Variants in KCNK1 observed in about 807,000 individuals in gnomAD.
The protein encoded by KCNK1 is potassium two pore domain channel subfamily K member 1.
KCNK1 carries 10 observed loss-of-function variants against 22.2 expected under a neutral mutation model. The observed-to-expected ratio is 0.45, with a 90% CI of 0.28 to 0.76. KCNK1 has a LOEUF of 0.76. Ranked by LOEUF, KCNK1 falls within the 30% of genes least tolerant of loss-of-function variation. The probability of loss-of-function intolerance (pLI) is 0.14; values close to 1 mark genes in which losing one functional copy is unlikely to be tolerated. For synonymous variants in KCNK1, 200 were observed against 186.4 expected, an observed-to-expected ratio of 1.07 and a Z score of -0.60; for missense variants, 378 against 421.0, an observed-to-expected ratio of 0.90 and a Z score of 0.89.
rs747926620 is a variant in KCNK1 at position 233,614,360 on chromosome 1, C to T, written c.189C>T (p.Phe63=). 3.1e-6 allele frequency: 5 copies of T among 1,611,146 alleles called. No homozygotes were observed. In the Admixed American group the frequency reaches 5.0e-5, roughly 16 times the overall value. ...RQELRKLKRR[F]LEEHECLSEQ... ...AGCTGCGCAAGCTGAAGCGACGCTT[C>T]TTGGAGGAGCACGAGTGCCTGTCTG... The change falls in exon 1 of 3, where the codon TTC becomes TTT. Residue 63 remains phenylalanine, a synonymous_variant. Transcript: ENST00000366621.
intron 1 of KCNK1, among the ~76,000 whole-genome samples, chr1:233,615,986 T>C (rs1657482637): frequency 6.6e-6 from 1 of 152,232 alleles, no homozygotes; most frequent in Non-Finnish European, 1.5e-5. Context: ...AGACCTGTTA[T>C]CTCACTTTCC....
intron 1 of KCNK1, among the ~76,000 whole-genome samples, chr1:233,666,343 G>C (rs1658488151): frequency 6.6e-6 from 1 of 152,180 alleles, no homozygotes. Flanking sequence ...TTCAAGACCA[G>C]AGACCCTGAT....
chr1:233,643,885 C>T (rs966502165), intron 1 of KCNK1, among the ~76,000 whole-genome samples: 2 of 152,106 alleles, frequency 1.3e-5, no homozygotes, highest in African/African-American at 4.8e-5. Flanking sequence ...CATAACAAGA[C>T]AAAAATTACC....
chr1:233,646,824 G>A (rs1308860321), intron 1 of KCNK1, among the ~76,000 whole-genome samples: 1 of 152,120 alleles, frequency 6.6e-6, no homozygotes, highest in Non-Finnish European at 1.5e-5. Flanking sequence ...GAAAGATGAG[G>A]ATAGAATTAA....
At chr1:233,635,911 A>G (rs951159643) in intron 1 of KCNK1, among the ~76,000 whole-genome samples, 4 of 152,278 alleles carry the variant, frequency 2.6e-5, no homozygotes, top group African/African-American at 9.6e-5. Flanking sequence ...GAGAACGTTG[A>G]TATTTTATAT....
At chr1:233,657,304 T>A (rs562265406) in intron 1 of KCNK1, among the ~76,000 whole-genome samples, 1 of 152,122 alleles carries the variant, frequency 6.6e-6, no homozygotes, top group Non-Finnish European at 1.5e-5. Flanking sequence ...TTAGGTAGGA[T>A]TCTTATGTTT....
chr1:233,625,162 T>TA (rs1220293178), intron 1 of KCNK1, among the ~76,000 whole-genome samples: 2 of 152,092 alleles, frequency 1.3e-5, no homozygotes, highest in Non-Finnish European at 2.9e-5. Context: ...AACAGGTGTG[T>TA]AAAAAATAGG....
At chr1:233,636,356 C>T (rs531480726) in intron 1 of KCNK1, among the ~76,000 whole-genome samples, 3 of 152,140 alleles carry the variant, frequency 2.0e-5, no homozygotes, top group African/African-American at 4.8e-5. Flanking sequence ...GAGAGATCTC[C>T]GTGGCTTGGG....
At chr1:233,632,526 A>T (rs570060161) in intron 1 of KCNK1, among the ~76,000 whole-genome samples, 2 of 152,044 alleles carry the variant, frequency 1.3e-5, no homozygotes, top group Admixed American at 1.3e-4. Flanking sequence ...TCAGGATTCA[A>T]TGTAGATGCT....
intron 1 of KCNK1, among the ~76,000 whole-genome samples, chr1:233,621,100 C>G (rs701203): frequency 0.55 from 83,473 of 152,014 alleles, 23,546 homozygotes; most frequent in African/African-American, 0.67. Flanking sequence ...GGGCATCAGA[C>G]CTTGTTATGG....
At chr1:233,617,217 G>A (rs1448403034) in intron 1 of KCNK1, among the ~76,000 whole-genome samples, 1 of 151,882 alleles carries the variant, frequency 6.6e-6, no homozygotes, top group African/African-American at 2.4e-5. Flanking sequence ...GCCCATGAGT[G>A]CTTTTATGTC....
chr1:233,625,860 A>G (rs1432912655), intron 1 of KCNK1, among the ~76,000 whole-genome samples: 1 of 152,178 alleles, frequency 6.6e-6, no homozygotes, highest in Non-Finnish European at 1.5e-5. Context: ...GTGCAGCTAG[A>G]AAGTGACTGT....
Position 233,661,545 on chromosome 1 carries a change from C to G in KCNK1, c.356-5050C>G, listed in dbSNP as rs187521970. On this transcript the variant is annotated intron_variant, in intron 1 of 2. Transcript: ENST00000366621. Reference sequence around the variant, plus strand: ...TTGCACCTGCCATGACTTGTTACCTCTGTGACCTCTTACCATCTGTGCCTC... The same window carrying G: ...TTGCACCTGCCATGACTTGTTACCTGTGTGACCTCTTACCATCTGTGCCTC... 9.2e-5 allele frequency among the ~76,000 whole-genome samples: 14 copies of G among 152,372 alleles called. No individual in the cohort carries two copies. In the East Asian group the frequency reaches 2.7e-3, roughly 29 times the overall value.
chr1:233,649,912 C>G (rs748634982), intron 1 of KCNK1: 25 of 532,016 alleles, frequency 4.7e-5, no homozygotes, highest in Admixed American at 4.7e-4. Context: ...GAACACCATC[C>G]TCTTCTGTGT....
intron 1 of KCNK1, among the ~76,000 whole-genome samples, chr1:233,634,642 T>G (rs142094627): frequency 6.6e-6 from 1 of 152,232 alleles, no homozygotes; most frequent in Non-Finnish European, 1.5e-5. Context: ...GGGATTGTTA[T>G]GCCCACCAGA....
At chr1:233,619,482 A>G (rs1485245815) in intron 1 of KCNK1, among the ~76,000 whole-genome samples, 1 of 152,234 alleles carries the variant, frequency 6.6e-6, no homozygotes, top group Admixed American at 6.5e-5. Flanking sequence ...GGGAGCTGCT[A>G]CAACATAGGT....
intron 1 of KCNK1, among the ~76,000 whole-genome samples, chr1:233,644,998 T>G (rs377123479): frequency 3.3e-5 from 5 of 151,878 alleles, no homozygotes; most frequent in Non-Finnish European, 7.4e-5. Flanking sequence ...ATTAAGACCA[T>G]CCTGGCCAAC....
chr1:233,629,952 G>GT (rs1300414964), intron 1 of KCNK1: 1 of 152,158 alleles, frequency 6.6e-6, no homozygotes, highest in Non-Finnish European at 1.5e-5. Context: ...AGGAATATAA[G>GT]TTTTTTCTGG....
chr1:233,646,054 A>G (rs186825105), intron 1 of KCNK1, among the ~76,000 whole-genome samples: 40 of 152,106 alleles, frequency 2.6e-4, no homozygotes, highest in Non-Finnish European at 2.9e-5. Context: ...GATGGTGGGG[A>G]TGGAGGTTGC....
Sources: gnomAD v4.1 joint callset for allele counts (sites outside exome capture counted in the v4.1 genomes callset) on GRCh38, gnomAD v4.1.1 for gene constraint, MANE v1.5 for transcripts, NCBI Gene and HGNC (gene_info 2026-07-23, HGNC 2026-07-21) for gene names.